Variants in TCF7 observed in about 807,000 individuals in gnomAD.
TCF7 encodes the protein T-cell-factor-7.
TCF7 carries 19 observed loss-of-function variants against 46.8 expected under a neutral mutation model. The observed-to-expected ratio is 0.41, with a 90% CI of 0.28 to 0.60. TCF7 has a LOEUF of 0.60. Among genes scored for constraint, TCF7 ranks in the 20% least tolerant of loss-of-function variants. The pLI is 0.35. For missense variants in TCF7, 547 were observed against 504.6 expected (o/e 1.08, Z -0.81); for synonymous variants, 245 against 213.4 (o/e 1.15, Z -1.29).
chr5:134,144,351 C>T, intron 9 of TCF7: 1 of 217,898 alleles, frequency 4.6e-6, no homozygotes, highest in Non-Finnish European at 9.3e-6. Flanking sequence ...AAGGTATAGC[C>T]TTCAGCCTTA....
chr5:134,115,204 C>A, intron 1 of TCF7, 49 bp downstream of exon 1: 1 of 1,138,550 alleles, frequency 8.8e-7, no homozygotes, highest in Non-Finnish European at 1.1e-6. Flanking sequence ...CCGCGCCGCG[C>A]CGCCCCAGTT....
chr5:134,114,739 C>G lies in TCF7; in HGVS notation c.-168C>G, dbSNP rs1048267233. The G allele has an allele frequency of 7.9e-6, 5 of 629,194 alleles. No homozygotes were observed. The highest frequency in any genetic ancestry group is 9.9e-6 in the Non-Finnish European group (5 of 505,586). The allele number at this position is 629,194 out of a possible 1,614,324, so 39.0% of individuals were successfully genotyped here. On this transcript the variant is annotated 5_prime_UTR_variant, in exon 1 of 10. Coordinates refer to ENST00000342854, the MANE Select transcript of TCF7 (RefSeq NM_003202.5). Reference sequence around the variant, plus strand: ...GCCAGCTCGCGGAGCCGCTCTGCCCCGCGCCCTAGCCCGCGCCTGCAGCCC... The same window carrying G: ...GCCAGCTCGCGGAGCCGCTCTGCCCGGCGCCCTAGCCCGCGCCTGCAGCCC...
At chr5:134,123,525 A>G in intron 3 of TCF7, 1 of 374,188 alleles carries the variant, frequency 2.7e-6, no homozygotes, top group South Asian at 2.0e-5. Flanking sequence ...AGGGGCCTGC[A>G]CAGGTGAGAG....
chr5:134,126,884 T>A (rs1345217885), intron 3 of TCF7, among the ~76,000 whole-genome samples: 1 of 148,378 alleles, frequency 6.7e-6, no homozygotes, highest in Non-Finnish European at 1.5e-5. Flanking sequence ...GCGACAGAGC[T>A]AGACTCTATC....
Position 134,115,302 on chromosome 5 carries a change from C to A in TCF7, c.250-19C>A. 2 of 1,560,098 alleles carry A rather than the reference C, an allele frequency of 1.3e-6. No homozygotes were observed. The highest frequency in any genetic ancestry group is 2.4e-5 in the East Asian group (1 of 40,896). On this transcript the variant is annotated intron_variant, in intron 1 of 9. Transcript: ENST00000342854. Reference sequence around the variant, plus strand: ...CCGCGGTCCCACCGCCCCTCACTCCCCTCCGGTTCTCCCTCCAGGCTCTCG... The same window carrying A: ...CCGCGGTCCCACCGCCCCTCACTCCACTCCGGTTCTCCCTCCAGGCTCTCG...
chr5:134,115,522 A>T (rs30491), intron 2 of TCF7, 135 bp downstream of exon 2: 1 of 1,454,934 alleles, frequency 6.9e-7, no homozygotes, highest in Non-Finnish European at 9.1e-7. Context: ...CCAGGGGTGG[A>T]GAGTGGGGGG....
At chr5:134,138,242 C>CT (rs759564898) in intron 4 of TCF7, 78 bp downstream of exon 4, 2 of 1,353,470 alleles carry the variant, frequency 1.5e-6, no homozygotes, top group Non-Finnish European at 2.1e-6. Flanking sequence ...GACCAGGTAG[C>CT]TGGGTCCATT....
At chr5:134,121,754 G>A (rs1756623649) in intron 3 of TCF7, among the ~76,000 whole-genome samples, 1 of 152,158 alleles carries the variant, frequency 6.6e-6, no homozygotes, top group Non-Finnish European at 1.5e-5. Context: ...TTCTTTCCCA[G>A]TGTGAATGAT....
intron 3 of TCF7, among the ~76,000 whole-genome samples, chr5:134,119,426 A>G (rs1756276790): frequency 6.6e-6 from 1 of 152,224 alleles, no homozygotes; most frequent in Non-Finnish European, 1.5e-5. Context: ...CAGCTGCACA[A>G]TCTTATGAAT....
At chr5:134,145,744 C>A in intron 9 of TCF7, 1 of 1,613,868 alleles carries the variant, frequency 6.2e-7, no homozygotes, top group Non-Finnish European at 8.5e-7. Flanking sequence ...CCATCAGAGA[C>A]AAACTGGCCC....
In TCF7 at chr5:134,148,050, T is replaced by A. The variant is rs6892456; in HGVS notation, c.*1747T>A. ...CAAAAAAAGCCTTTAGTTCCTACTTTAGCCACTGGTTTCTCAGAATCCAAA... is the reference window on the plus strand; with the variant it reads ...CAAAAAAAGCCTTTAGTTCCTACTTAAGCCACTGGTTTCTCAGAATCCAAA... On this transcript the variant is annotated 3_prime_UTR_variant, in exon 10 of 10. Transcript: ENST00000342854. The A allele has an allele frequency of 6.6e-6, 1 of 152,258 alleles. No homozygotes were observed. The highest frequency in any genetic ancestry group is 2.4e-5 in the African/African-American group (1 of 41,268). The allele number at this position is 152,258 out of a possible 1,614,324, so 9.4% of individuals were successfully genotyped here.
chr5:134,137,496 G>A (rs1295133864), intron 3 of TCF7, among the ~76,000 whole-genome samples: 1 of 151,590 alleles, frequency 6.6e-6, no homozygotes, highest in African/African-American at 2.4e-5. Flanking sequence ...GAAACAGGAA[G>A]TACGGGGGCT....
intron 5 of TCF7, chr5:134,139,394 C>T (rs1385140028): frequency 4.3e-6 from 1 of 233,598 alleles, no homozygotes; most frequent in African/African-American, 2.2e-5. Flanking sequence ...AAGGTGGGCC[C>T]GAGCAGGGAG....
intron 9 of TCF7, chr5:134,145,195 T>C: frequency 3.4e-6 from 2 of 588,976 alleles, no homozygotes; most frequent in Non-Finnish European, 6.5e-6. Context: ...TAAGGGGGCC[T>C]GGAGCCCATT....
the TCF7 span, among the ~76,000 whole-genome samples, chr5:134,109,279 T>A: frequency 1.3e-5 from 2 of 152,194 alleles, no homozygotes; most frequent in Non-Finnish European, 2.9e-5. Flanking sequence ...CAATAAGACA[T>A]TCCTCTCTCA....
At chr5:134,116,354 C>T (rs924404646) in intron 3 of TCF7, among the ~76,000 whole-genome samples, 3 of 152,210 alleles carry the variant, frequency 2.0e-5, no homozygotes, top group Admixed American at 6.5e-5. Context: ...CCGAGACCAC[C>T]CTTGCTCCTC....
chr5:134,140,285 G>A (rs917032685), intron 5 of TCF7, among the ~76,000 whole-genome samples: 3 of 152,194 alleles, frequency 2.0e-5, no homozygotes, highest in Non-Finnish European at 4.4e-5. Flanking sequence ...AGTCTACCTC[G>A]TGGGCAACCC....
At chr5:134,145,432 AG>A (rs1463360428) in intron 9 of TCF7, 2 of 559,220 alleles carry the variant, frequency 3.6e-6, no homozygotes, top group East Asian at 8.3e-5. Flanking sequence ...GGGCTGTCTG[AG>A]GGAAAGGGCT....
chr5:134,116,892 C>T (rs1235318795), intron 3 of TCF7, among the ~76,000 whole-genome samples: 1 of 152,222 alleles, frequency 6.6e-6, no homozygotes, highest in African/African-American at 2.4e-5. Flanking sequence ...GTTTGGAGGA[C>T]TGTGGTAAGT....
Sources: allele counts gnomAD v4.1 joint callset (sites outside exome capture counted in the v4.1 genomes callset), GRCh38; gene constraint gnomAD v4.1.1; transcripts MANE v1.5; gene names NCBI Gene and HGNC (gene_info 2026-07-23, HGNC 2026-07-21).